The following ABCA13 variants were observed in gnomAD, a reference collection of about 807,000 sequenced individuals.
ABCA13 encodes the protein ATP binding cassette subfamily A member 13.
In ABCA13, 476 loss-of-function variants were observed where a neutral mutation model predicts 478.7. That is an observed-to-expected ratio of 0.99 (90% confidence interval 0.92 to 1.07). The LOEUF is 1.07. Ranked by LOEUF, ABCA13 falls within the 50% of genes least tolerant of loss-of-function variation. ABCA13 has a pLI of 0.00. For synonymous variants in ABCA13, 2,252 were observed against 2,158.9 expected (o/e 1.04, Z -1.20); for missense variants, 6,060 against 5,910.6 (o/e 1.03, Z -0.83).
chr7:48,193,681 A>G (rs538489712), intron 2 of ABCA13, among the ~76,000 whole-genome samples: 4 of 150,986 alleles, frequency 2.6e-5, no homozygotes, highest in Non-Finnish European at 5.9e-5. Flanking sequence ...GATGGAGATG[A>G]TGATAGTGAT....
chr7:48,291,306 G>T (rs145165905), intron 20 of ABCA13, among the ~76,000 whole-genome samples: 18 of 152,274 alleles, frequency 1.2e-4, no homozygotes, highest in Admixed American at 5.9e-4. Flanking sequence ...AAATGGAGAC[G>T]GGCTTGAGCT....
intron 20 of ABCA13, among the ~76,000 whole-genome samples, chr7:48,293,631 A>T (rs1272503425): frequency 6.6e-6 from 1 of 152,198 alleles, no homozygotes; most frequent in East Asian, 1.9e-4. Context: ...ATAGACATAG[A>T]TGTTATATGT....
intron 58 of ABCA13, among the ~76,000 whole-genome samples, chr7:48,602,702 C>T (rs756179576): frequency 3.3e-5 from 5 of 151,740 alleles, no homozygotes; most frequent in East Asian, 1.9e-4. Context: ...GTCTTGGTTA[C>T]GCGGGCTCTT....
chr7:48,447,082 T>A (rs148735474), intron 42 of ABCA13, among the ~76,000 whole-genome samples: 10 of 152,278 alleles, frequency 6.6e-5, no homozygotes, highest in African/African-American at 1.9e-4. Context: ...GATAAATAGT[T>A]CCAAACCTCA....
rs561683203 is a variant in ABCA13, at chr7:48,181,686, T to C, written c.69+10134T>C. On this transcript the variant is annotated intron_variant, in intron 1 of 61. Coordinates refer to ENST00000435803, the MANE Select transcript of ABCA13 (RefSeq NM_152701.5). ...CAGTAGGGCCTCTTTTTGGACTTCC[T>C]ATGCCACTGCATAGATTTACATTTC... Among the ~76,000 whole-genome samples, 5 of 152,320 alleles carry C rather than the reference T, an allele frequency of 3.3e-5. No homozygotes were observed. The East Asian group carries it at 9.6e-4, about 29-fold the overall frequency.
intron 59 of ABCA13, among the ~76,000 whole-genome samples, chr7:48,631,177 C>T (rs1794132033): frequency 6.6e-6 from 1 of 152,042 alleles, no homozygotes; most frequent in Admixed American, 6.6e-5. Context: ...TCTCACTTGT[C>T]AGTTTTTATT....
At chr7:48,545,301 A>G (rs1466909774) in intron 55 of ABCA13, among the ~76,000 whole-genome samples, 2 of 151,926 alleles carry the variant, frequency 1.3e-5, no homozygotes, top group Middle Eastern at 3.4e-3. Flanking sequence ...AGATAATAGG[A>G]AAACATTAAT....
chr7:48,438,628 T>A (rs1466501020), intron 42 of ABCA13, among the ~76,000 whole-genome samples: 1 of 74,822 alleles, frequency 1.3e-5, no homozygotes, highest in Non-Finnish European at 3.0e-5. Context: ...CTACCTTTTC[T>A]TTTTTTTAAC....
chr7:48,325,133 C>A (rs1257580302), intron 27 of ABCA13, among the ~76,000 whole-genome samples: 7 of 152,168 alleles, frequency 4.6e-5, no homozygotes, highest in Admixed American at 4.6e-4. Context: ...GGGAAGCCTG[C>A]TAATTTGTGC....
chr7:48,526,368 T>A (rs761995119), intron 54 of ABCA13, among the ~76,000 whole-genome samples: 2 of 152,188 alleles, frequency 1.3e-5, no homozygotes, highest in Non-Finnish European at 2.9e-5. Flanking sequence ...ATGCTCCAGG[T>A]ATCTTAAATG....
At chr7:48,538,770 G>T (rs142562455) in intron 55 of ABCA13, among the ~76,000 whole-genome samples, 1 of 151,868 alleles carries the variant, frequency 6.6e-6, no homozygotes, top group East Asian at 1.9e-4. Context: ...AATTCATTAC[G>T]CAAGAGTCTA....
At chr7:48,532,341 A>T (rs958094254) in intron 55 of ABCA13, among the ~76,000 whole-genome samples, 1 of 152,162 alleles carries the variant, frequency 6.6e-6, no homozygotes, top group Non-Finnish European at 1.5e-5. Context: ...CATCCCTGGT[A>T]TGAAACACAT....
At chr7:48,374,451 T>C in intron 34 of ABCA13, 35 bp downstream of exon 34, 6 of 1,567,666 alleles carry the variant, frequency 3.8e-6, no homozygotes, top group East Asian at 2.3e-5. Context: ...TGACTCTCAG[T>C]GAATCACGTT....
At chr7:48,438,884 G>GTTTTGTGT (rs377348909) in intron 42 of ABCA13, among the ~76,000 whole-genome samples, 1 of 139,400 alleles carries the variant, frequency 7.2e-6, no homozygotes, top group Admixed American at 7.3e-5. Flanking sequence ...TTTTGCTAAG[G>GTTTTGTGT]TTTTTTTTTT....
chr7:48,215,854 A>G (rs540881683), intron 3 of ABCA13, among the ~76,000 whole-genome samples: 16 of 152,350 alleles, frequency 1.1e-4, no homozygotes, highest in Admixed American at 1.3e-4. Flanking sequence ...TAGAATTTGT[A>G]TAAGTTATAG....
At chr7:48,484,096 T>C (rs1232861390) in intron 47 of ABCA13, among the ~76,000 whole-genome samples, 1 of 152,216 alleles carries the variant, frequency 6.6e-6, no homozygotes, top group Non-Finnish European at 1.5e-5. Flanking sequence ...CATGTGAACC[T>C]GAAGGAGCTT....
chr7:48,525,792 A>T (rs1363478801), intron 54 of ABCA13, among the ~76,000 whole-genome samples: 2 of 148,874 alleles, frequency 1.3e-5, no homozygotes, highest in Admixed American at 6.9e-5. Flanking sequence ...TTTGTTACAT[A>T]GTTGTAAATG....
chr7:48,602,745 T>C (rs1159076312), intron 58 of ABCA13, among the ~76,000 whole-genome samples: 1 of 152,124 alleles, frequency 6.6e-6, no homozygotes, highest in Non-Finnish European at 1.5e-5. Context: ...AAGTGGTTTT[T>C]TTTTTCCAAT....
intron 55 of ABCA13, among the ~76,000 whole-genome samples, chr7:48,546,305 T>C (rs374284800): frequency 6.6e-6 from 1 of 151,990 alleles, no homozygotes; most frequent in African/African-American, 2.4e-5. Context: ...AACATTTTCA[T>C]TGTTGCAGAA....
Sources: gnomAD v4.1 joint callset for allele counts (sites outside exome capture counted in the v4.1 genomes callset) on GRCh38, gnomAD v4.1.1 for gene constraint, MANE v1.5 for transcripts, NCBI Gene and HGNC (gene_info 2026-07-23, HGNC 2026-07-21) for gene names.